The following PARPBP variants were observed in gnomAD, a reference collection of about 807,000 sequenced individuals.
PARPBP encodes PARP1 binding protein.
In PARPBP, 52 loss-of-function variants were observed where a neutral mutation model predicts 50.0. The observed-to-expected ratio is 1.04, with a 90% CI of 0.83 to 1.31. The LOEUF is 1.31. PARPBP is among the 50% of genes most tolerant of loss of function. The probability of loss-of-function intolerance (pLI) is 0.00; values close to 1 mark genes in which losing one functional copy is unlikely to be tolerated. For synonymous variants in PARPBP, 244 were observed against 232.1 expected (o/e 1.05, Z -0.47); for missense variants, 697 against 672.0 (o/e 1.04, Z -0.41).
chr12:102,197,397 T>G lies in PARPBP; in HGVS notation c.*1106T>G. 3.3e-6 allele frequency: 3 copies of G among 907,044 alleles called. No individual in the cohort carries two copies. The highest frequency in any genetic ancestry group is 3.4e-6 in the Non-Finnish European group (2 of 596,096). 56.2% of individuals were successfully genotyped at this position (907,044 alleles called of 1,614,324 possible). ...ATGTAAGAAATATCGTCAGTCGTCC[T>G]AATGCATATTGTGACTGTTTGCATA... On this transcript the variant is annotated 3_prime_UTR_variant, in exon 11 of 11. Coordinates refer to ENST00000327680, the MANE Select transcript of PARPBP (RefSeq NM_017915.5).
intron 2 of PARPBP, among the ~76,000 whole-genome samples, chr12:102,145,207 G>A (rs969457442): frequency 3.9e-5 from 6 of 151,990 alleles, no homozygotes; most frequent in African/African-American, 1.4e-4. Context: ...TTCTGTTTTT[G>A]TTGTGTAAAG....
intron 9 of PARPBP, among the ~76,000 whole-genome samples, chr12:102,188,466 A>G (rs1388421501): frequency 1.3e-5 from 2 of 152,084 alleles, no homozygotes; most frequent in East Asian, 3.9e-4. Context: ...AATGTGAGTT[A>G]ATGAAAAGTG....
chr12:102,162,604 G>A (rs527477557), intron 4 of PARPBP, among the ~76,000 whole-genome samples: 4 of 152,180 alleles, frequency 2.6e-5, no homozygotes, highest in African/African-American at 9.6e-5. Context: ...AAGGATCACT[G>A]GAGCCCAGGA....
intron 2 of PARPBP, among the ~76,000 whole-genome samples, chr12:102,134,652 T>A (rs1268348793): frequency 6.6e-6 from 1 of 152,174 alleles, no homozygotes; most frequent in East Asian, 1.9e-4. Context: ...CATATCCTTT[T>A]CTTATTTTAC....
chr12:102,124,622 G>T (rs1565846303), intron 2 of PARPBP, among the ~76,000 whole-genome samples: 1 of 152,182 alleles, frequency 6.6e-6, no homozygotes, highest in Non-Finnish European at 1.5e-5. Flanking sequence ...GGAAGAGAAG[G>T]CTGTAGAGGA....
Position 102,148,333 on chromosome 12 carries a change from A to C in PARPBP, c.257A>C (p.Asp86Ala). 6.3e-7 allele frequency: 1 copy of C among 1,596,244 alleles called. No homozygotes were observed. The highest frequency in any genetic ancestry group is 8.6e-7 in the Non-Finnish European group (1 of 1,164,158). Residue 86 changes from aspartate (D) to alanine (A), a missense_variant, in exon 3 of 11, where the codon GAC (aspartate) becomes GCC (alanine). Physicochemically the swap from Asp to Ala is moderately radical, Grantham distance 126. Transcript: ENST00000327680. ...CCAGTTGAAAACATGGACGTGACTG[A>C]CCATTATGAGGACGTTAGGAAGATT... The part of the protein sequence containing the change: ...NLPVENMDVT[D>A]HYEDVRKIYD...
At chr12:102,125,410 T>G (rs537170321) in intron 2 of PARPBP, among the ~76,000 whole-genome samples, 1 of 152,214 alleles carries the variant, frequency 6.6e-6, no homozygotes, top group South Asian at 2.1e-4. Context: ...AATAGGGTGG[T>G]CAGGGAAGGC....
intron 6 of PARPBP, among the ~76,000 whole-genome samples, chr12:102,170,905 C>CTTTTTTTTTTTTTTTT (rs56390964): frequency 3.5e-5 from 4 of 113,308 alleles, no homozygotes; most frequent in Non-Finnish European, 7.5e-5. Context: ...TTTAATTTTT[C>CTTTTTTTTTTTTTTTT]TTTTTTTTTT....
Position 102,123,964 on chromosome 12 carries a change from T to C in PARPBP, c.76T>C (p.Ser26Pro). Residue 26 changes from serine (S) to proline (P), a missense_variant, in exon 2 of 11, where the codon TCT becomes CCT. By Grantham distance (74) the Ser-to-Pro change is moderately conservative. Transcript: ENST00000327680. Reference protein sequence around the residue: ...FRKNWRALCNSERTTLCGADS... With the variant: ...FRKNWRALCNPERTTLCGADS... ...AAAAAATTGGCGTGCTCTTTGTAACTCTGAGAGAACTACTCTATGTGGTGC... is the reference window on the plus strand; with the variant it reads ...AAAAAATTGGCGTGCTCTTTGTAACCCTGAGAGAACTACTCTATGTGGTGC... 6.5e-7 allele frequency: 1 copy of C among 1,534,724 alleles called. No individual in the cohort carries two copies. Among genetic ancestry groups the C allele is most frequent in the South Asian group, 1.2e-5 (1 of 84,034 alleles).
rs534544625 is a variant in PARPBP, at chr12:102,168,905, C to T, written c.821+3022C>T. ...TCTTCTTTGTTTCTTCCAGTTCCTT[C>T]TTCCTTTTACAGCTCATATTCTTAA... On this transcript the variant is annotated intron_variant, in intron 6 of 10. Transcript: ENST00000327680. 3.3e-5 allele frequency among the ~76,000 whole-genome samples: 5 copies of T among 152,286 alleles called. No individual in the cohort carries two copies. In the East Asian group the frequency reaches 9.6e-4, roughly 29 times the overall value.
Position 102,148,214 on chromosome 12 carries a change from GC to G in PARPBP, c.154-15del. 1 of 1,023,378 alleles carries G rather than the reference GC, an allele frequency of 9.8e-7. No homozygotes were observed. Among genetic ancestry groups the G allele is most frequent in the Non-Finnish European group, 1.4e-6 (1 of 718,306 alleles). The allele number at this position is 1,023,378 out of a possible 1,614,324, so 63.4% of individuals were successfully genotyped here. A position where few individuals can be genotyped will look rare whatever the true frequency, so the allele number is the denominator to read the frequency against. ...CCCAACTTTATTTTTTTTTTTTTTG[GC>G]ATTATCTTTTTCAGCACAGTGGAGA... On this transcript the variant is annotated splice_polypyrimidine_tract_variant and intron_variant, in intron 2 of 10. Transcript: ENST00000327680.
chr12:102,144,935 T>C lies in PARPBP; in HGVS notation c.154-3295T>C, dbSNP rs144475428. 1.3e-4 allele frequency among the ~76,000 whole-genome samples: 20 copies of C among 152,254 alleles called. No individual in the cohort carries two copies. The East Asian group carries it at 3.9e-3, about 29-fold the overall frequency. Reference sequence around the variant, plus strand: ...TACTGATTTTTTTGTTTTTGGTTATTCATTGAACTAGTTTCATGAAATAGA... The same window carrying C: ...TACTGATTTTTTTGTTTTTGGTTATCCATTGAACTAGTTTCATGAAATAGA... On this transcript the variant is annotated intron_variant, in intron 2 of 10. Transcript: ENST00000327680.
rs1443960173 is a variant in PARPBP at position 102,196,024 on chromosome 12, A to T, written c.1473A>T (p.Lys491Asn). 6.2e-7 allele frequency: 1 copy of T among 1,611,462 alleles called. No homozygotes were observed. Among genetic ancestry groups the T allele is most frequent in the Non-Finnish European group, 8.5e-7 (1 of 1,178,508 alleles). ...SFGNVHLDRS[K>N]NEKVSRKSTS... ...GAAATGTTCATCTGGACAGAAGTAA[A>T]AATGAAAAAGTATCAAGAAAATCAA... is the stretch of plus-strand genomic sequence containing the variant. The change falls in exon 11 of 11, where the codon AAA becomes AAT. Residue 491 changes from lysine (K) to asparagine (N), a missense_variant. Transcript: ENST00000327680.
intron 6 of PARPBP, among the ~76,000 whole-genome samples, chr12:102,173,306 AC>A (rs1333670378): frequency 6.6e-6 from 1 of 152,192 alleles, no homozygotes; most frequent in Non-Finnish European, 1.5e-5. Context: ...TAATGGTAAA[AC>A]GTTTTAGTGT....
At chr12:102,152,954 AAG>A (rs546859716) in intron 3 of PARPBP, among the ~76,000 whole-genome samples, 35 of 151,950 alleles carry the variant, frequency 2.3e-4, no homozygotes, top group Non-Finnish European at 4.3e-4. Context: ...AAAAAGGAAA[AAG>A]AGGAGTTAAA....
intron 2 of PARPBP, among the ~76,000 whole-genome samples, chr12:102,140,338 A>G (rs532707820): frequency 2.6e-5 from 4 of 152,102 alleles, no homozygotes; most frequent in African/African-American, 9.6e-5. Flanking sequence ...TATCCCCTTT[A>G]TCGTTTTTTA....
At chr12:102,138,744 A>T (rs1884071201) in intron 2 of PARPBP, among the ~76,000 whole-genome samples, 1 of 152,206 alleles carries the variant, frequency 6.6e-6, no homozygotes, top group Admixed American at 6.5e-5. Context: ...TTAAATAGGG[A>T]ATCTTTTCCC....
At position 102,165,768 on chromosome 12, in the gene PARPBP, A is replaced by T; in HGVS notation, c.706A>T (p.Lys236Ter). 6.2e-7 allele frequency: 1 copy of T among 1,609,186 alleles called. No homozygotes were observed. The highest frequency in any genetic ancestry group is 8.5e-7 in the Non-Finnish European group (1 of 1,176,758). Residue 236 changes from lysine to a stop codon, truncating the protein, a stop_gained, in exon 6 of 11, where the codon AAA (lysine) becomes TAA (stop). Coordinates refer to ENST00000327680, the MANE Select transcript of PARPBP (RefSeq NM_017915.5). LOFTEE classifies it high-confidence loss of function. ...TATTAGAACAATAGAGCTTGGAGGG[A>T]AAGGATATGCACCACCACCATCAGA... is the stretch of plus-strand genomic sequence containing the variant. Reference protein sequence around the residue: ...SFIRTIELGGKGYAPPPSDPL... With the variant: ...SFIRTIELGG
Position 102,123,972 on chromosome 12 carries a change from A to G in PARPBP, c.84A>G (p.Arg28=). The G allele has an allele frequency of 2.0e-6, 3 of 1,534,310 alleles. No homozygotes were observed. Among genetic ancestry groups the G allele is most frequent in the Non-Finnish European group, 1.7e-6 (2 of 1,145,288 alleles). The change falls in exon 2 of 11, where the codon AGA becomes AGG. Residue 28 remains arginine, a synonymous_variant. Transcript: ENST00000327680. Reference sequence around the variant, plus strand: ...GGCGTGCTCTTTGTAACTCTGAGAGAACTACTCTATGTGGTGCAGACTCCA... The same window carrying G: ...GGCGTGCTCTTTGTAACTCTGAGAGGACTACTCTATGTGGTGCAGACTCCA... ...KNWRALCNSE[R]TTLCGADSML...
Sources: allele counts gnomAD v4.1 joint callset (sites outside exome capture counted in the v4.1 genomes callset), GRCh38; gene constraint gnomAD v4.1.1; transcripts MANE v1.5; gene names NCBI Gene and HGNC (gene_info 2026-07-23, HGNC 2026-07-21).